The following LCA5 variants were observed in gnomAD, a reference collection of about 807,000 sequenced individuals.
LCA5 encodes the protein lebercilin.
A neutral mutation model predicts 53.0 loss-of-function variants in LCA5; 37 were observed. That is an observed-to-expected ratio of 0.70 (90% CI 0.54 to 0.92). The LOEUF is 0.92. Ranked by LOEUF, LCA5 falls within the 40% of genes least tolerant of loss-of-function variation. The pLI, the probability that LCA5 is intolerant of heterozygous loss-of-function variation, is 0.00. For missense variants in LCA5, 806 were observed against 790.5 expected, an observed-to-expected ratio of 1.02 and a Z score of -0.23; for synonymous variants, 303 against 282.9, an observed-to-expected ratio of 1.07 and a Z score of -0.71.
intron 6 of LCA5, among the ~76,000 whole-genome samples, chr6:79,491,194 C>CGGA (rs1769828322): frequency 6.6e-6 from 1 of 152,008 alleles, no homozygotes; most frequent in African/African-American, 2.4e-5. Context: ...TTCTCTTCTG[C>CGGA]CCCCAACCCA....
intron 1 of LCA5, among the ~76,000 whole-genome samples, chr6:79,520,970 G>C (rs1280979261): frequency 6.6e-6 from 1 of 152,180 alleles, no homozygotes; most frequent in East Asian, 1.9e-4. Context: ...CTGTCCAACA[G>C]AACTTTCAGC....
rs758637325 is a variant in LCA5 at position 79,513,381 on chromosome 6, G to A, written c.551C>T (p.Ala184Val). The part of the protein sequence containing the change: ...RLRKSQEKER[A>V]TEKRVKDTES... ...TGTATCTTTTACCCTTTTCTCAGTT[G>A]CCCGTTCTTTCTCTTGAGATTTTCT... Residue 184 changes from alanine to valine, a missense_variant, in exon 3 of 8, where the codon GCA becomes GTA. Physicochemically the swap from Ala to Val is moderately conservative, Grantham distance 64. Transcript: ENST00000369846. 1.2e-6 allele frequency: 2 copies of A among 1,613,716 alleles called. No individual in the cohort carries two copies. The highest frequency in any genetic ancestry group is 1.7e-5 in the Admixed American group (1 of 59,964).
chr6:79,488,409 T>C (rs2127666514), intron 7 of LCA5: 1 of 154,106 alleles, frequency 6.5e-6, no homozygotes, highest in African/African-American at 2.4e-5. Flanking sequence ...TCTCTCTATA[T>C]ATATATGTAA....
At chr6:79,500,376 A>T (rs1433812377) in intron 3 of LCA5, among the ~76,000 whole-genome samples, 1 of 152,226 alleles carries the variant, frequency 6.6e-6, no homozygotes, top group Non-Finnish European at 1.5e-5. Context: ...TTGCAAGCAA[A>T]CACAAAGGAT....
chr6:79,506,887 T>A (rs1264692099), intron 3 of LCA5, among the ~76,000 whole-genome samples: 1 of 152,222 alleles, frequency 6.6e-6, no homozygotes, highest in East Asian at 1.9e-4. Context: ...ATTTTCCAAA[T>A]GACCAATGTG....
Position 79,487,849 on chromosome 6 carries a change from G to A in LCA5, c.1249C>T (p.Leu417Phe), listed in dbSNP as rs768615190. ...GCCTTTTCTTTTTGCTTTTTATCAA[G>A]TTCTTCTCTTTCCCATTCTGTATGA... ...KLEDEWEREELDKKQKEKASL... is the reference protein window; with the variant it reads ...KLEDEWEREEFDKKQKEKASL... The change falls in exon 8 of 8, where the codon CTT (leucine) becomes TTT (phenylalanine). Residue 417 changes from leucine (L) to phenylalanine (F), a missense_variant. Physicochemically the swap from Leu to Phe is conservative, Grantham distance 22 (BLOSUM62 0). Coordinates refer to ENST00000369846, the MANE Select transcript of LCA5 (RefSeq NM_001122769.3). 5.6e-6 allele frequency: 9 copies of A among 1,606,620 alleles called. No homozygotes were observed. Among genetic ancestry groups the A allele is most frequent in the Non-Finnish European group, 7.6e-6 (9 of 1,177,080 alleles).
chr6:79,523,644 T>A (rs1452023168), intron 1 of LCA5, among the ~76,000 whole-genome samples: 2 of 152,178 alleles, frequency 1.3e-5, no homozygotes, highest in Non-Finnish European at 2.9e-5. Flanking sequence ...TAATTAAAAG[T>A]TGGTTACATG....
At chr6:79,496,564 A>G (rs925545352) in intron 3 of LCA5, among the ~76,000 whole-genome samples, 44 of 152,226 alleles carry the variant, frequency 2.9e-4, no homozygotes, top group African/African-American at 1.0e-3. Flanking sequence ...TTTGCTAAAG[A>G]AACCAGGAAT....
chr6:79,508,303 C>T (rs1455587346), intron 3 of LCA5, among the ~76,000 whole-genome samples: 1 of 152,268 alleles, frequency 6.6e-6, no homozygotes, highest in South Asian at 2.1e-4. Context: ...GCCTCCCTAA[C>T]CAGTTATCCA....
In LCA5 at chr6:79,486,941, TAATA is replaced by T. The variant is rs1769674013; in HGVS notation, c.*59_*62del. ...TAGCATTAAAAAGTCTAAATGTTTATAATAAATACTGTATTAAAATATTTCAATA... is the reference window on the plus strand; with the variant it reads ...TAGCATTAAAAAGTCTAAATGTTTATAATACTGTATTAAAATATTTCAATA... On this transcript the variant is annotated 3_prime_UTR_variant, in exon 8 of 8. Coordinates refer to ENST00000369846, the MANE Select transcript of LCA5 (RefSeq NM_001122769.3). 1.5e-6 allele frequency: 2 copies of T among 1,317,188 alleles called. No individual in the cohort carries two copies. Among genetic ancestry groups the T allele is most frequent in the Admixed American group, 4.3e-5 (2 of 46,328 alleles). 81.6% of individuals were successfully genotyped at this position (1,317,188 alleles called of 1,614,324 possible). A position where few individuals can be genotyped will look rare whatever the true frequency, so the allele number is the denominator to read the frequency against.
intron 1 of LCA5, among the ~76,000 whole-genome samples, chr6:79,536,744 C>T (rs953891937): frequency 6.6e-6 from 1 of 152,180 alleles, no homozygotes; most frequent in Non-Finnish European, 1.5e-5. Flanking sequence ...TGGCCCTTGG[C>T]CCTGCCCCTC....
At position 79,487,118 on chromosome 6, in the gene LCA5, AC is replaced by A. The variant is rs1769682832; in HGVS notation, c.1979del (p.Ser660MetfsTer13). On this transcript the variant is annotated frameshift_variant, in exon 8 of 8. Transcript: ENST00000369846. LOFTEE classifies it high-confidence loss of function. ...TATTTGGATTAAAACTTCTTCCTTCACTGAGGAAAAAGCCTTCATCTTCATC... is the reference window on the plus strand; with the variant it reads ...TATTTGGATTAAAACTTCTTCCTTCATGAGGAAAAAGCCTTCATCTTCATC... ...EHDEDEGFFL[S>X]EGRSFNPNRH... 6.2e-7 allele frequency: 1 copy of A among 1,613,630 alleles called. No individual in the cohort carries two copies. The highest frequency in any genetic ancestry group is 8.5e-7 in the Non-Finnish European group (1 of 1,179,868).
In LCA5 at chr6:79,513,702, T is replaced by G. The variant is rs879399238; in HGVS notation, c.230A>C (p.Lys77Thr). ...KPSPKGLPNR[K>T]GVRVGFRSQS... The stretch of plus-strand genomic sequence containing the variant: ...GGAGCGAAATCCCACTCGGACTCCC[T>G]TTCTGTTTGGTAGACCCTTAGGGCT... Residue 77 changes from lysine (K) to threonine (T), a missense_variant, in exon 3 of 8, where the codon AAG becomes ACG. Lys to Thr is a moderately conservative substitution (Grantham distance 78, BLOSUM62 -1). Coordinates refer to ENST00000369846, the MANE Select transcript of LCA5 (RefSeq NM_001122769.3). 36 of 1,613,642 alleles carry G rather than the reference T, an allele frequency of 2.2e-5. No homozygotes were observed. Among genetic ancestry groups the G allele is most frequent in the Non-Finnish European group, 2.9e-5 (34 of 1,179,766 alleles).
At chr6:79,501,296 C>T (rs781464736) in intron 3 of LCA5, among the ~76,000 whole-genome samples, 1 of 152,034 alleles carries the variant, frequency 6.6e-6, no homozygotes, top group Non-Finnish European at 1.5e-5. Context: ...AAGAACATAT[C>T]CATCCATTCA....
intron 3 of LCA5, among the ~76,000 whole-genome samples, chr6:79,507,177 A>G (rs1006214382): frequency 1.3e-5 from 2 of 152,214 alleles, no homozygotes; most frequent in Non-Finnish European, 2.9e-5. Flanking sequence ...AGCAGATATG[A>G]GGACCCAGCT....
chr6:79,496,074 T>C (rs1296820480), intron 3 of LCA5, among the ~76,000 whole-genome samples: 1 of 152,140 alleles, frequency 6.6e-6, no homozygotes, highest in Admixed American at 6.6e-5. Context: ...AATGGGCATA[T>C]AGAACAATGC....
intron 3 of LCA5, among the ~76,000 whole-genome samples, chr6:79,510,258 C>G (rs1351938014): frequency 6.6e-6 from 1 of 152,130 alleles, no homozygotes. Context: ...GGAGGGATAT[C>G]TTTTTAACAA....
chr6:79,491,305 T>C (rs1769832849), intron 6 of LCA5, among the ~76,000 whole-genome samples: 1 of 152,064 alleles, frequency 6.6e-6, no homozygotes, highest in African/African-American at 2.4e-5. Context: ...ATACTTTAAG[T>C]TTTAGGGTAC....
At chr6:79,500,160 T>A (rs1217022734) in intron 3 of LCA5, among the ~76,000 whole-genome samples, 1 of 152,146 alleles carries the variant, frequency 6.6e-6, no homozygotes, top group Non-Finnish European at 1.5e-5. Flanking sequence ...TAAACATATG[T>A]GTGCATGTGT....
Sources: gnomAD v4.1 joint callset for allele counts (sites outside exome capture counted in the v4.1 genomes callset) on GRCh38, gnomAD v4.1.1 for gene constraint, MANE v1.5 for transcripts, NCBI Gene and HGNC (gene_info 2026-07-23, HGNC 2026-07-21) for gene names.